Variants in MERTK observed in about 807,000 individuals in gnomAD.
MERTK encodes MER proto-oncogene, tyrosine kinase.
A neutral mutation model predicts 99.3 loss-of-function variants in MERTK; 69 were observed. The observed-to-expected ratio is 0.70, with a 90% CI of 0.57 to 0.85. MERTK has a LOEUF of 0.85. MERTK is among the 40% of genes least tolerant of loss of function. MERTK has a pLI of 0.00. For missense variants in MERTK, 1,125 were observed against 1,249.4 expected (o/e 0.90, Z 1.50); for synonymous variants, 426 against 467.6 (o/e 0.91, Z 1.15).
At chr2:112,021,386 T>C (rs752517499) in intron 16 of MERTK, 36 bp from the exon 17 acceptor site, 6 of 1,611,570 alleles carry the variant, frequency 3.7e-6, no homozygotes, top group Non-Finnish European at 3.4e-6. Context: ...AGGCATTGCC[T>C]CTGACGCTGC....
Position 111,898,650 on chromosome 2 carries a change from T to G in MERTK, c.-86T>G. ...GGGCCGCCCGGACAGGGAGCTTCGC[T>G]GGCGCGCTTGGCCGGCGACAGGACA... is the stretch of plus-strand genomic sequence containing the variant. On this transcript the variant is annotated 5_prime_UTR_variant, in exon 1 of 19. Coordinates refer to ENST00000295408, the MANE Select transcript of MERTK (RefSeq NM_006343.3). 1 of 1,498,308 alleles carries G rather than the reference T, an allele frequency of 6.7e-7. No homozygotes were observed. Among genetic ancestry groups the G allele is most frequent in the Non-Finnish European group, 9.1e-7 (1 of 1,099,126 alleles). 92.8% of individuals were successfully genotyped at this position (1,498,308 alleles called of 1,614,324 possible). A position where few individuals can be genotyped will look rare whatever the true frequency, so the allele number is the denominator to read the frequency against.
chr2:111,900,755 A>G (rs1179770401), intron 1 of MERTK, among the ~76,000 whole-genome samples: 1 of 152,206 alleles, frequency 6.6e-6, no homozygotes, highest in African/African-American at 2.4e-5. Context: ...ACAGTTTTAC[A>G]TCTCACCTTG....
Position 112,029,505 on chromosome 2 carries a change from GA to G in MERTK, c.*646del. 1 of 192,914 alleles carries G rather than the reference GA, an allele frequency of 5.2e-6. No individual in the cohort carries two copies. Among genetic ancestry groups the G allele is most frequent in the Non-Finnish European group, 9.5e-6 (1 of 105,296 alleles). The allele number at this position is 192,914 out of a possible 1,614,324, so 12.0% of individuals were successfully genotyped here. A position where few individuals can be genotyped will look rare whatever the true frequency, so the allele number is the denominator to read the frequency against. ...CTTGGCATTGCTTTATAGAGATATGGAAAAACCACACCAGGGTCTGTAGATA... is the reference window on the plus strand; with the variant it reads ...CTTGGCATTGCTTTATAGAGATATGGAAAACCACACCAGGGTCTGTAGATA... On this transcript the variant is annotated 3_prime_UTR_variant, in exon 19 of 19. Coordinates refer to ENST00000295408, the MANE Select transcript of MERTK (RefSeq NM_006343.3).
chr2:111,956,296 A>C (rs758186960), intron 4 of MERTK, among the ~76,000 whole-genome samples: 10 of 152,174 alleles, frequency 6.6e-5, no homozygotes, highest in Non-Finnish European at 1.0e-4. Flanking sequence ...AGCCCTTGGT[A>C]CCAGGATTGC....
rs139822416 is a variant in MERTK, at chr2:112,010,056, C to T, written c.2069C>T (p.Thr690Ile). Residue 690 changes from threonine (T) to isoleucine (I), a missense_variant, in exon 15 of 19, where the codon ACA (threonine) becomes ATA (isoleucine). Physicochemically the swap from Thr to Ile is moderately conservative, Grantham distance 89. Coordinates refer to ENST00000295408, the MANE Select transcript of MERTK (RefSeq NM_006343.3). The stretch of plus-strand genomic sequence containing the variant: ...TACTTACTTTATTCCCGATTGGAGA[C>T]AGGACCAAAGGTAATGATCTCCTTG... ...HTYLLYSRLE[T>I]GPKHIPLQTL... The T allele has an allele frequency of 1.1e-4, 176 of 1,605,704 alleles. 1 individual carries two copies. The highest frequency in any genetic ancestry group is 1.6e-4 in the Middle Eastern group (1 of 6,068).
chr2:112,000,939 T>C (rs1676855689), intron 10 of MERTK, among the ~76,000 whole-genome samples: 1 of 152,258 alleles, frequency 6.6e-6, no homozygotes. Flanking sequence ...CTTTAGTTTC[T>C]TGCTCAGACT....
chr2:111,937,441 G>C (rs941679103), intron 2 of MERTK, among the ~76,000 whole-genome samples: 1 of 152,018 alleles, frequency 6.6e-6, no homozygotes, highest in East Asian at 1.9e-4. Context: ...ACACTGCCTC[G>C]AAAACAAAAC....
Position 111,965,295 on chromosome 2 carries a change from G to T in MERTK, c.844+18G>T. On this transcript the variant is annotated intron_variant, in intron 5 of 18. Coordinates refer to ENST00000295408, the MANE Select transcript of MERTK (RefSeq NM_006343.3). ...CATCAAAGGTAAGCAGCAAGGCTAG[G>T]CTCCCCATGCATGTTCTGGGAGCTG... 6.2e-7 allele frequency: 1 copy of T among 1,612,758 alleles called. No homozygotes were observed. Among genetic ancestry groups the T allele is most frequent in the Non-Finnish European group, 8.5e-7 (1 of 1,178,832 alleles).
intron 1 of MERTK, among the ~76,000 whole-genome samples, chr2:111,926,275 T>C (rs1684566165): frequency 6.6e-6 from 1 of 152,196 alleles, no homozygotes; most frequent in Non-Finnish European, 1.5e-5. Context: ...CCACTTCCCA[T>C]TTTTGCCTTC....
At chr2:112,007,770 A>G (rs1677014622) in intron 13 of MERTK, among the ~76,000 whole-genome samples, 1 of 152,128 alleles carries the variant, frequency 6.6e-6, no homozygotes, top group African/African-American at 2.4e-5. Flanking sequence ...AGAAACAGAG[A>G]GGTGTGGGGT....
At chr2:111,944,823 C>A in intron 2 of MERTK, 137 bp from the exon 3 acceptor site, 2 of 735,686 alleles carry the variant, frequency 2.7e-6, no homozygotes, top group South Asian at 1.5e-5. Context: ...CAAACAACTG[C>A]GTACAATGGC....
At chr2:111,994,120 G>A (rs1558800354) in intron 8 of MERTK, 131 bp from the exon 9 acceptor site, 9 of 1,046,384 alleles carry the variant, frequency 8.6e-6, no homozygotes, top group Non-Finnish European at 1.3e-5. Flanking sequence ...AGTGACAAAG[G>A]AATGCTGTGG....
intron 1 of MERTK, among the ~76,000 whole-genome samples, chr2:111,917,219 C>G (rs1345580785): frequency 2.0e-5 from 3 of 152,164 alleles, no homozygotes; most frequent in African/African-American, 7.2e-5. Flanking sequence ...CCCACATGGT[C>G]CTCACACCAG....
Position 111,975,308 on chromosome 2 carries a change from T to G in MERTK, c.980T>G (p.Leu327Arg). 6.2e-7 allele frequency: 1 copy of G among 1,614,210 alleles called. No homozygotes were observed. Among genetic ancestry groups the G allele is most frequent in the Non-Finnish European group, 8.5e-7 (1 of 1,180,024 alleles). ...CSIQVKEADP[L>R]SNGSVMIFNT... ...GTTTAGGTCAAGGAAGCTGATCCGC[T>G]GAGTAATGGCTCAGTCATGATTTTT... Residue 327 changes from leucine (L) to arginine (R), a missense_variant, in exon 7 of 19, where the codon CTG becomes CGG. Transcript: ENST00000295408.
chr2:111,970,818 C>CCCTCCT (rs1189704510), intron 6 of MERTK, among the ~76,000 whole-genome samples: 39 of 100,486 alleles, frequency 3.9e-4, no homozygotes, highest in African/African-American at 9.7e-4. Context: ...TCCTCCTCCT[C>CCCTCCT]CCTCCTCCTC....
chr2:111,935,862 T>G (rs527679816), intron 2 of MERTK, among the ~76,000 whole-genome samples: 7 of 152,278 alleles, frequency 4.6e-5, no homozygotes, highest in African/African-American at 1.7e-4. Flanking sequence ...TTATATATCC[T>G]GTTTCATTCA....
chr2:111,997,164 G>T (rs373367880), intron 9 of MERTK, 159 bp from the exon 10 acceptor site: 1 of 854,390 alleles, frequency 1.2e-6, no homozygotes, highest in Non-Finnish European at 2.0e-6. Flanking sequence ...AGATCTCTTC[G>T]CATGGTCTCA....
intron 4 of MERTK, among the ~76,000 whole-genome samples, chr2:111,964,043 C>CTTTTTTTTTT (rs56693776): frequency 2.9e-5 from 3 of 103,856 alleles, no homozygotes; most frequent in African/African-American, 1.1e-4. Context: ...AATTTTCTTT[C>CTTTTTTTTTT]TTTTTTTTTT....
chr2:112,004,584 C>G (rs1438681810), intron 13 of MERTK, among the ~76,000 whole-genome samples: 1 of 152,154 alleles, frequency 6.6e-6, no homozygotes, highest in African/African-American at 2.4e-5. Flanking sequence ...CAGCCAAGAA[C>G]CTGCTTTATC....
Sources: gnomAD v4.1 joint callset for allele counts (sites outside exome capture counted in the v4.1 genomes callset) on GRCh38, gnomAD v4.1.1 for gene constraint, MANE v1.5 for transcripts, NCBI Gene and HGNC (gene_info 2026-07-23, HGNC 2026-07-21) for gene names.